Variants in MYO9A observed in about 807,000 individuals in gnomAD.
The protein encoded by MYO9A is myosin IXA, also known as unconventional myosin-IXa.
A neutral mutation model predicts 293.3 loss-of-function variants in MYO9A; 103 were observed. That is an observed-to-expected ratio of 0.35 (90% CI 0.30 to 0.41). MYO9A has a LOEUF of 0.41. MYO9A is among the 10% of genes least tolerant of loss of function. The probability of loss-of-function intolerance (pLI) is 1.00; values close to 1 mark genes in which losing one functional copy is unlikely to be tolerated. For synonymous variants in MYO9A, 1,001 were observed against 1,035.7 expected (o/e 0.97, Z 0.64); for missense variants, 2,685 against 3,033.0 (o/e 0.89, Z 2.69).
At position 71,826,507 on chromosome 15, in the gene MYO9A, G is replaced by A; in HGVS notation, c.*73C>T. 2 of 1,376,246 alleles carry A rather than the reference G, an allele frequency of 1.5e-6. No individual in the cohort carries two copies. Among genetic ancestry groups the A allele is most frequent in the Non-Finnish European group, 2.0e-6 (2 of 1,008,118 alleles). The allele number at this position is 1,376,246 out of a possible 1,614,324, so 85.3% of individuals were successfully genotyped here. The stretch of plus-strand genomic sequence containing the variant: ...ATTAGGATTGACTATTGTGGACGAG[G>A]TGATGAAACGCAGCCCCAAAGGTGA... On this transcript the variant is annotated 3_prime_UTR_variant, in exon 42 of 42. Transcript: ENST00000356056.
In MYO9A at chr15:72,019,039, C is replaced by T. The variant is rs1264608831; in HGVS notation, c.1155G>A (p.Pro385=). The change falls in exon 6 of 42, where the codon CCG becomes CCA. Residue 385 remains proline (P), a splice_region_variant and synonymous_variant. Transcript: ENST00000356056. ...SWDDYCYDSE[P]DCFTVEGEDL... ...AGAATATTTAGGTACTTGTACTGAC[C>T]GGCTCAGAGTCATAGCAATAATCAT... 5.0e-6 allele frequency: 8 copies of T among 1,612,976 alleles called. 1 individual carries two copies. In the South Asian group the frequency reaches 6.6e-5, roughly 13 times the overall value.
At chr15:72,037,788 A>G (rs1225234368) in intron 2 of MYO9A, among the ~76,000 whole-genome samples, 2 of 152,228 alleles carry the variant, frequency 1.3e-5, no homozygotes, top group African/African-American at 4.8e-5. Flanking sequence ...AGTTTTCACC[A>G]AAAAATTAAG....
rs1386098596 is a variant in MYO9A at position 71,825,240 on chromosome 15, T to TAA, written c.*1338_*1339dup. 6.6e-6 allele frequency: 1 copy of TAA among 152,010 alleles called. No homozygotes were observed. Among genetic ancestry groups the TAA allele is most frequent in the Non-Finnish European group, 1.5e-5 (1 of 68,040 alleles). The allele number at this position is 152,010 out of a possible 1,614,324, so 9.4% of individuals were successfully genotyped here. On this transcript the variant is annotated 3_prime_UTR_variant, in exon 42 of 42. Transcript: ENST00000356056. ...CCCAGTGGTGAAAATGATGTCTTACTAATTCCCTCAACCCAGGGACGAATG... is the reference window on the plus strand; with the variant it reads ...CCCAGTGGTGAAAATGATGTCTTACTAAAATTCCCTCAACCCAGGGACGAATG...
chr15:72,005,244 T>C (rs1420371763), intron 8 of MYO9A, among the ~76,000 whole-genome samples: 1 of 152,224 alleles, frequency 6.6e-6, no homozygotes, highest in East Asian at 1.9e-4. Flanking sequence ...TCAAATCATA[T>C]TTGCCATTTG....
chr15:71,830,261 A>G lies in MYO9A; in HGVS notation c.6888T>C (p.Val2296=). 6.2e-7 allele frequency: 1 copy of G among 1,614,070 alleles called. No homozygotes were observed. Among genetic ancestry groups the G allele is most frequent in the South Asian group, 1.1e-5 (1 of 91,064 alleles). ...CAGACACAGAAGGCAACCGAACTAC[A>G]ACAGGAGACGATGGACCTGGATAGT... ...RGNYPGPSSP[V]VVRLPSVSDV... is the part of the protein sequence containing the mutation. The change falls in exon 40 of 42, where the codon GTT becomes GTC. Residue 2296 remains valine, a synonymous_variant. Coordinates refer to ENST00000356056, the MANE Select transcript of MYO9A (RefSeq NM_006901.4).
At chr15:72,054,635 G>C (rs560500286) in intron 1 of MYO9A, among the ~76,000 whole-genome samples, 1 of 132,906 alleles carries the variant, frequency 7.5e-6, no homozygotes, top group African/African-American at 2.8e-5. Flanking sequence ...AGTAGAGATC[G>C]TGCCACTGCA....
chr15:72,078,530 G>A (rs2079441582), intron 1 of MYO9A, among the ~76,000 whole-genome samples: 1 of 151,258 alleles, frequency 6.6e-6, no homozygotes, highest in Non-Finnish European at 1.5e-5. Flanking sequence ...CCTGCAGACA[G>A]AAATCAGACA....
intron 1 of MYO9A, among the ~76,000 whole-genome samples, chr15:72,047,773 C>CTTTTT (rs1566982437): frequency 3.9e-5 from 1 of 25,364 alleles, no homozygotes; most frequent in African/African-American, 1.3e-4. Flanking sequence ...TCAGTTACTT[C>CTTTTT]CTTTTTTTTT....
intron 6 of MYO9A, among the ~76,000 whole-genome samples, chr15:72,014,768 AAG>A (rs927799407): frequency 6.8e-6 from 1 of 147,832 alleles, no homozygotes; most frequent in South Asian, 2.1e-4. Flanking sequence ...GAAAGAAAGA[AAG>A]AGAAAGAAAG....
chr15:72,000,931 C>CCA, intron 8 of MYO9A, among the ~76,000 whole-genome samples: 1 of 152,296 alleles, frequency 6.6e-6, no homozygotes, highest in Admixed American at 6.5e-5. Context: ...AGAAAATAAA[C>CCA]CACAATGAAT....
chr15:71,970,896 C>G (rs2147390590), intron 12 of MYO9A, among the ~76,000 whole-genome samples: 1 of 152,134 alleles, frequency 6.6e-6, no homozygotes, highest in Non-Finnish European at 1.5e-5. Flanking sequence ...CAGTGGCTCA[C>G]ACCTGTAATC....
chr15:71,987,094 A>G (rs895761286), intron 11 of MYO9A, among the ~76,000 whole-genome samples: 1 of 152,188 alleles, frequency 6.6e-6, no homozygotes, highest in Non-Finnish European at 1.5e-5. Context: ...AGTTGCCTAC[A>G]ATATTCAGTG....
intron 12 of MYO9A, among the ~76,000 whole-genome samples, chr15:71,969,879 T>C (rs1472847327): frequency 1.3e-5 from 2 of 152,196 alleles, no homozygotes; most frequent in African/African-American, 2.4e-5. Flanking sequence ...TCATCTAGTG[T>C]TCCTCAAACA....
At chr15:71,827,185 G>T in intron 41 of MYO9A, 142 bp from the exon 42 acceptor site, 1 of 613,956 alleles carries the variant, frequency 1.6e-6, no homozygotes, top group Non-Finnish European at 2.8e-6. Flanking sequence ...TATGGGCACA[G>T]TCACAGTAAG....
At chr15:71,981,627 CCTCT>C (rs1281081432) in intron 11 of MYO9A, among the ~76,000 whole-genome samples, 1 of 144,076 alleles carries the variant, frequency 6.9e-6, no homozygotes, top group Non-Finnish European at 1.5e-5. Context: ...TATTTATATC[CCTCT>C]CTCTGTCTTG....
chr15:72,012,992 C>G (rs929536434), intron 6 of MYO9A, among the ~76,000 whole-genome samples: 1 of 152,190 alleles, frequency 6.6e-6, no homozygotes, highest in Non-Finnish European at 1.5e-5. Flanking sequence ...ATTTCCTTCT[C>G]TGTTTCTCTG....
intron 16 of MYO9A, among the ~76,000 whole-genome samples, chr15:71,937,407 C>T (rs894417943): frequency 6.6e-6 from 1 of 152,140 alleles, no homozygotes; most frequent in African/African-American, 2.4e-5. Context: ...CTTAAACAGT[C>T]AGCAGCCATC....
rs1021626051 is a variant in MYO9A, at chr15:72,015,853, A to G, written c.1155+3186T>C. 3.3e-5 allele frequency among the ~76,000 whole-genome samples: 5 copies of G among 151,836 alleles called. No homozygotes were observed. In the South Asian group the frequency reaches 1.0e-3, roughly 32 times the overall value. Reference sequence around the variant, plus strand: ...CAGGCGCCCGCCACCACATCCAGCTAATTTTTTGTATTTTTTAGTAGAGAC... The same window carrying G: ...CAGGCGCCCGCCACCACATCCAGCTGATTTTTTGTATTTTTTAGTAGAGAC... On this transcript the variant is annotated intron_variant, in intron 6 of 41. Coordinates refer to ENST00000356056, the MANE Select transcript of MYO9A (RefSeq NM_006901.4).
chr15:72,034,973 A>G (rs1044397320), intron 2 of MYO9A, among the ~76,000 whole-genome samples: 38 of 152,348 alleles, frequency 2.5e-4, no homozygotes, highest in African/African-American at 8.9e-4. Context: ...ACTTCACCAA[A>G]TAAGTTATAT....
Sources: allele counts gnomAD v4.1 joint callset (sites outside exome capture counted in the v4.1 genomes callset), GRCh38; gene constraint gnomAD v4.1.1; transcripts MANE v1.5; gene names NCBI Gene and HGNC (gene_info 2026-07-23, HGNC 2026-07-21).